The following SYTL4 variants were observed in gnomAD, a reference collection of about 807,000 sequenced individuals.
SYTL4 encodes the protein synaptotagmin like 4, also known as synaptotagmin-like protein 4.
A neutral mutation model predicts 52.7 loss-of-function variants in SYTL4; 16 were observed. That is an observed-to-expected ratio of 0.30 (90% CI 0.21 to 0.46). SYTL4 has a LOEUF of 0.46. Ranked by LOEUF, SYTL4 falls within the 20% of genes least tolerant of loss-of-function variation. The probability of loss-of-function intolerance (pLI) is 1.00; values close to 1 mark genes in which losing one functional copy is unlikely to be tolerated. For synonymous variants in SYTL4, 160 were observed against 186.6 expected, an observed-to-expected ratio of 0.86 and a Z score of 1.16; for missense variants, 423 against 519.9, an observed-to-expected ratio of 0.81 and a Z score of 1.81.
intron 4 of SYTL4, 67 bp from the exon 5 acceptor site, chrX:100,702,174 C>T (rs1015113805): frequency 2.2e-6 from 1 of 445,140 alleles, no homozygotes; most frequent in East Asian, 3.9e-5. Flanking sequence ...AGCCCTAAAC[C>T]CTTTCAATAG....
Position 100,701,201 on chromosome X carries a change from C to G in SYTL4, c.436+19G>C, listed in dbSNP as rs1343287977. ...ACTAGGATTCCATACCAAGAACCAT[C>G]TCTAGACAGGTCCAGTACCTGCAGG... is the stretch of plus-strand genomic sequence containing the variant. On this transcript the variant is annotated intron_variant, in intron 7 of 19. Transcript: ENST00000372989. 8.5e-7 allele frequency: 1 copy of G among 1,170,921 alleles called. No homozygotes were observed. The highest frequency in any genetic ancestry group is 1.2e-6 in the Non-Finnish European group (1 of 859,547).
chrX:100,684,568 T>C (rs2147695989), intron 16 of SYTL4: 1 of 109,205 alleles, frequency 9.2e-6, no homozygotes, highest in Non-Finnish European at 1.9e-5. Context: ...AGGATGCCCA[T>C]GATAAATGAA....
At chrX:100,723,245 G>A (rs187703693) in intron 2 of SYTL4, among the ~76,000 whole-genome samples, 1 of 111,467 alleles carries the variant, frequency 9.0e-6, no homozygotes, top group Non-Finnish European at 1.9e-5. Context: ...TCAGCCTGCC[G>A]AGTGCCTGCG....
At chrX:100,700,441 TTTTAA>T (rs1213027494) in intron 8 of SYTL4, among the ~76,000 whole-genome samples, 3 of 112,056 alleles carry the variant, frequency 2.7e-5, no homozygotes, top group Non-Finnish European at 3.8e-5. Flanking sequence ...AATAGGATGA[TTTTAA>T]TTTATTATAC....
At chrX:100,680,509 C>G (rs1357487345) in intron 17 of SYTL4, among the ~76,000 whole-genome samples, 1 of 110,873 alleles carries the variant, frequency 9.0e-6, no homozygotes, top group Admixed American at 9.7e-5. Flanking sequence ...ATGTCCAACT[C>G]CAGCCCCACA....
rs1243825676 is a variant in SYTL4 at position 100,718,339 on chromosome X, T to A, written c.-240+13079A>T. 2.7e-5 allele frequency among the ~76,000 whole-genome samples: 3 copies of A among 111,887 alleles called. No individual in the cohort carries two copies. In the East Asian group the frequency reaches 8.4e-4, roughly 31 times the overall value. The stretch of plus-strand genomic sequence containing the variant: ...AATGTTAGTAATTAGATATGATCAG[T>A]TTAAAGGATATTTATTTATACACTG... On this transcript the variant is annotated intron_variant, in intron 2 of 19. Coordinates refer to ENST00000372989, the MANE Select transcript of SYTL4 (RefSeq NM_001370165.1).
chrX:100,683,133 ATTTTTTTTTTTTTTT>A (rs559628938), intron 16 of SYTL4, among the ~76,000 whole-genome samples: 1 of 53,972 alleles, frequency 1.9e-5, no homozygotes, highest in African/African-American at 8.8e-5. Flanking sequence ...ACCTGCCTGT[ATTTTTTTTTTTTTTT>A]TTTTTTTTTT....
At chrX:100,713,907 T>C (rs1366101747) in intron 2 of SYTL4, among the ~76,000 whole-genome samples, 2 of 109,588 alleles carry the variant, frequency 1.8e-5, no homozygotes, top group Non-Finnish European at 3.8e-5. Context: ...AGAAAATACA[T>C]AGTGTCAGAA....
chrX:100,705,271 C>A (rs1005721944), intron 2 of SYTL4, among the ~76,000 whole-genome samples: 5 of 111,554 alleles, frequency 4.5e-5, no homozygotes, highest in Non-Finnish European at 9.4e-5. Flanking sequence ...TAATCCTTGC[C>A]ACAATACCAA....
intron 2 of SYTL4, among the ~76,000 whole-genome samples, chrX:100,728,618 C>G (rs949532063): frequency 3.6e-5 from 4 of 112,047 alleles, no homozygotes; most frequent in Admixed American, 9.4e-5. Flanking sequence ...TGAAAAGCCT[C>G]AAGACATCTG....
At chrX:100,723,255 G>A (rs918392704) in intron 2 of SYTL4, among the ~76,000 whole-genome samples, 3 of 111,804 alleles carry the variant, frequency 2.7e-5, no homozygotes, top group African/African-American at 6.5e-5. Context: ...GAGTGCCTGC[G>A]ATCGCAGGCG....
At chrX:100,696,082 C>T (rs1354949607) in intron 8 of SYTL4, among the ~76,000 whole-genome samples, 1 of 111,940 alleles carries the variant, frequency 8.9e-6, no homozygotes, top group African/African-American at 3.2e-5. Context: ...TTTATCCATT[C>T]ACCTGCTGAT....
intron 2 of SYTL4, among the ~76,000 whole-genome samples, chrX:100,706,327 G>T (rs1044124940): frequency 8.9e-6 from 1 of 112,015 alleles, no homozygotes; most frequent in Non-Finnish European, 1.9e-5. Context: ...TCTCATACTT[G>T]TAAAAAGGTT....
At chrX:100,718,471 C>T (rs1268501866) in intron 2 of SYTL4, among the ~76,000 whole-genome samples, 1 of 110,760 alleles carries the variant, frequency 9.0e-6, no homozygotes, top group Non-Finnish European at 1.9e-5. Flanking sequence ...TGGAGACAAA[C>T]TGGTAGAGTC....
At position 100,675,919 on chromosome X, in the gene SYTL4, CATACACACAT is replaced by C. The variant is rs1275192337; in HGVS notation, c.*99_*108del. 8.6e-6 allele frequency: 6 copies of C among 694,829 alleles called. No homozygotes were observed. Among genetic ancestry groups the C allele is most frequent in the South Asian group, 5.8e-5 (2 of 34,311 alleles). 57.3% of individuals were successfully genotyped at this position (694,829 alleles called of 1,213,427 possible). On this transcript the variant is annotated 3_prime_UTR_variant, in exon 20 of 20. Transcript: ENST00000372989. ...ATACACACACACACACACACACACA[CATACACACAT>C]ACACACATACACATTAAATTATAAA...
At chrX:100,692,523 C>CT (rs958691774) in intron 8 of SYTL4, among the ~76,000 whole-genome samples, 12 of 111,179 alleles carry the variant, frequency 1.1e-4, no homozygotes, top group Non-Finnish European at 1.5e-4. Flanking sequence ...GACCAGAATT[C>CT]TTTTTTTTAG....
intron 8 of SYTL4, among the ~76,000 whole-genome samples, chrX:100,691,487 T>C (rs1185136164): frequency 9.0e-6 from 1 of 111,377 alleles, no homozygotes; most frequent in Non-Finnish European, 1.9e-5. Flanking sequence ...TCTGAGTAAC[T>C]GTACCATGGT....
chrX:100,706,545 A>C (rs892709946), intron 2 of SYTL4, among the ~76,000 whole-genome samples: 1 of 112,771 alleles, frequency 8.9e-6, no homozygotes, highest in Non-Finnish European at 1.9e-5. Flanking sequence ...GCAGAAAACA[A>C]ATTAAGAACA....
chrX:100,704,699 G>T (rs2083922274), intron 3 of SYTL4, 112 bp downstream of exon 3: 1 of 111,703 alleles, frequency 9.0e-6, no homozygotes, highest in Non-Finnish European at 1.9e-5. Flanking sequence ...GGAGACACAG[G>T]GCTGGACCTC....
Sources: allele counts gnomAD v4.1 joint callset (sites outside exome capture counted in the v4.1 genomes callset), GRCh38; gene constraint gnomAD v4.1.1; transcripts MANE v1.5; gene names NCBI Gene and HGNC (gene_info 2026-07-23, HGNC 2026-07-21).